Variants in RABEP2 observed in about 807,000 individuals in gnomAD.
The protein encoded by RABEP2 is rabaptin, RAB GTPase binding effector protein 2.
A neutral mutation model predicts 74.1 loss-of-function variants in RABEP2; 57 were observed. The observed-to-expected ratio is 0.77, with a 90% CI of 0.62 to 0.96. The LOEUF (loss-of-function observed/expected upper bound fraction) is 0.96. Ranked by LOEUF, RABEP2 falls within the 40% of genes least tolerant of loss-of-function variation. The pLI, the probability that RABEP2 is intolerant of heterozygous loss-of-function variation, is 0.00. For missense variants in RABEP2, 692 were observed against 756.3 expected (o/e 0.91, Z 1.00); for synonymous variants, 351 against 344.0 (o/e 1.02, Z -0.23).
At chr16:28,914,838 G>T in intron 3 of RABEP2, 56 bp from the exon 4 acceptor site, 2 of 1,507,962 alleles carry the variant, frequency 1.3e-6, no homozygotes, top group South Asian at 1.2e-5. Flanking sequence ...CTGAAGCCCC[G>T]GGTCTGTTCA....
intron 2 of RABEP2, among the ~76,000 whole-genome samples, chr16:28,923,140 G>A (rs1385125524): frequency 2.0e-5 from 3 of 152,154 alleles, no homozygotes; most frequent in African/African-American, 7.2e-5. Context: ...AGGCGCGGTG[G>A]CTCACACCTG....
Position 28,919,961 on chromosome 16 carries a change from G to T in RABEP2, c.275-18C>A. 3.8e-6 allele frequency: 6 copies of T among 1,559,330 alleles called. No homozygotes were observed. The South Asian group carries it at 5.8e-5, about 15-fold the overall frequency. ...GATGGAGTCTGGTGGGGGAGAGGGAGGGTGGGAGAGAGGGAGGGTCAATGA... is the reference window on the plus strand; with the variant it reads ...GATGGAGTCTGGTGGGGGAGAGGGATGGTGGGAGAGAGGGAGGGTCAATGA... On this transcript the variant is annotated intron_variant, in intron 2 of 12. Transcript: ENST00000358201.
At position 28,904,916 on chromosome 16, in the gene RABEP2, G is replaced by A; in HGVS notation, c.*27C>T. The A allele has an allele frequency of 6.4e-7, 1 of 1,551,030 alleles. No individual in the cohort carries two copies. Among genetic ancestry groups the A allele is most frequent in the Non-Finnish European group, 8.9e-7 (1 of 1,126,432 alleles). ...GGAGTGGGGAAAGGCGTCTTTCCCA[G>A]GGTGGGGGTGGGGATATCCTGACCC... On this transcript the variant is annotated 3_prime_UTR_variant, in exon 13 of 13. Coordinates refer to ENST00000358201, the MANE Select transcript of RABEP2 (RefSeq NM_024816.3).
rs1307860065 is a variant in RABEP2, at chr16:28,904,722, G to A, written c.*221C>T. ...GAGCCTGCACCTTTGGTTCCGGGAG[G>A]GGCTTGGGCCCCTCACCCAGGTGTG... is the stretch of plus-strand genomic sequence containing the variant. On this transcript the variant is annotated 3_prime_UTR_variant, in exon 13 of 13. Coordinates refer to ENST00000358201, the MANE Select transcript of RABEP2 (RefSeq NM_024816.3). 1.2e-5 allele frequency: 8 copies of A among 641,472 alleles called. No individual in the cohort carries two copies. The highest frequency in any genetic ancestry group is 2.1e-5 in the Non-Finnish European group (8 of 382,996). The allele number at this position is 641,472 out of a possible 1,614,324, so 39.7% of individuals were successfully genotyped here. A position where few individuals can be genotyped will look rare whatever the true frequency, so the allele number is the denominator to read the frequency against.
At position 28,913,626 on chromosome 16, in the gene RABEP2, C is replaced by G. The variant is rs542782368; in HGVS notation, c.894+610G>C. Among the ~76,000 whole-genome samples the G allele has an allele frequency of 3.0e-3, 459 of 151,916 alleles. 2 individuals are homozygous for G. Among genetic ancestry groups the G allele is most frequent in the African/African-American group, 0.011 (448 of 41,402 alleles). On this transcript the variant is annotated intron_variant, in intron 5 of 12. Coordinates refer to ENST00000358201, the MANE Select transcript of RABEP2 (RefSeq NM_024816.3). Reference sequence around the variant, plus strand: ...CCTCCTGAGTAGCTGGGATTACGGGCATGCGCCACCACGCCCAGCTAATTT... The same window carrying G: ...CCTCCTGAGTAGCTGGGATTACGGGGATGCGCCACCACGCCCAGCTAATTT...
intron 2 of RABEP2, among the ~76,000 whole-genome samples, chr16:28,921,906 A>C (rs1407038614): frequency 6.6e-6 from 1 of 152,012 alleles, no homozygotes; most frequent in Non-Finnish European, 1.5e-5. Flanking sequence ...CGGAGGTTGC[A>C]GTGAACCGAG....
At chr16:28,911,320 C>T (rs1042499395) in intron 5 of RABEP2, 141 bp from the exon 6 acceptor site, 2 of 758,498 alleles carry the variant, frequency 2.6e-6, no homozygotes, top group Non-Finnish European at 2.2e-6. Context: ...ATTCTCTTCC[C>T]TTCACTCCCC....
intron 3 of RABEP2, among the ~76,000 whole-genome samples, chr16:28,917,185 C>T (rs1003394124): frequency 6.6e-6 from 1 of 152,046 alleles, no homozygotes; most frequent in Non-Finnish European, 1.5e-5. Context: ...TACCTATCTC[C>T]GCTTATATGT....
Position 28,920,024 on chromosome 16 carries a change from G to T in RABEP2, c.275-81C>A. The T allele has an allele frequency of 1.4e-6, 2 of 1,400,632 alleles. 1 individual carries two copies. Among genetic ancestry groups the T allele is most frequent in the South Asian group, 2.9e-5 (2 of 68,446 alleles). The allele number at this position is 1,400,632 out of a possible 1,614,324, so 86.8% of individuals were successfully genotyped here. A position where few individuals can be genotyped will look rare whatever the true frequency, so the allele number is the denominator to read the frequency against. Reference sequence around the variant, plus strand: ...TGTGGGCGAGCAGGGGACTCTTGATGCACTGACTCTTTCTGTGAGACAATC... The same window carrying T: ...TGTGGGCGAGCAGGGGACTCTTGATTCACTGACTCTTTCTGTGAGACAATC... On this transcript the variant is annotated intron_variant, in intron 2 of 12. Transcript: ENST00000358201.
intron 7 of RABEP2, chr16:28,910,531 T>A: frequency 5.8e-6 from 1 of 173,662 alleles, no homozygotes; most frequent in Non-Finnish European, 1.2e-5. Context: ...CGCCTAGGCC[T>A]CCCAAAGTGC....
At position 28,904,495 on chromosome 16, in the gene RABEP2, T is replaced by C; in HGVS notation, c.*448A>G. The C allele has an allele frequency of 6.7e-7, 1 of 1,491,464 alleles. No homozygotes were observed. The highest frequency in any genetic ancestry group is 2.7e-5 in the East Asian group (1 of 36,976). 92.4% of individuals were successfully genotyped at this position (1,491,464 alleles called of 1,614,324 possible). ...TTGCCTCTGTGCAAGCTTGGAGGCC[T>C]GGGTCGCCGCTGTGGACAAGCGTCT... On this transcript the variant is annotated 3_prime_UTR_variant, in exon 13 of 13. Transcript: ENST00000358201.
intron 10 of RABEP2, 31 bp from the exon 11 acceptor site, chr16:28,905,790 G>A: frequency 3.1e-6 from 5 of 1,613,924 alleles, no homozygotes; most frequent in Non-Finnish European, 3.4e-6. Context: ...GAGACGTCAG[G>A]GCCATGCCCT....
At chr16:28,916,925 G>A (rs1964403863) in intron 3 of RABEP2, among the ~76,000 whole-genome samples, 1 of 150,388 alleles carries the variant, frequency 6.6e-6, no homozygotes, top group Admixed American at 6.7e-5. Flanking sequence ...GGGTGCAGAG[G>A]TTGCAATGAG....
intron 7 of RABEP2, among the ~76,000 whole-genome samples, chr16:28,910,028 CAAAAAAAAAA>C (rs779404464): frequency 1.4e-5 from 1 of 69,168 alleles, no homozygotes; most frequent in Non-Finnish European, 3.1e-5. Flanking sequence ...GACTCCGTCT[CAAAAAAAAAA>C]AAAAAAAAAA....
intron 1 of RABEP2, 197 bp downstream of exon 1, chr16:28,924,906 C>T (rs562144902): frequency 2.5e-6 from 2 of 807,856 alleles, no homozygotes; most frequent in Admixed American, 2.0e-5. Flanking sequence ...CCACTTCGCA[C>T]CTGTCACTGG....
At chr16:28,921,561 C>T (rs548863282) in intron 2 of RABEP2, among the ~76,000 whole-genome samples, 1 of 151,694 alleles carries the variant, frequency 6.6e-6, no homozygotes, top group African/African-American at 2.4e-5. Flanking sequence ...GTGGGTGGCT[C>T]CCAGGGCCTT....
chr16:28,906,093 C>A lies in RABEP2; in HGVS notation c.1349G>T (p.Arg450Leu). Reference sequence around the variant, plus strand: ...CACTGTCTCCTCCTCCAGAGCCTCCCGCAGCGTCACGATCTCGATCCGCAG... The same window carrying A: ...CACTGTCTCCTCCTCCAGAGCCTCCAGCAGCGTCACGATCTCGATCCGCAG... ...ERLRIEIVTL[R>L]EALEEETVAR... The change falls in exon 9 of 13, where the codon CGG (arginine) becomes CTG (leucine). Residue 450 changes from arginine (R) to leucine (L), a missense_variant. Transcript: ENST00000358201. 1 of 1,595,836 alleles carries A rather than the reference C, an allele frequency of 6.3e-7. No individual in the cohort carries two copies. Among genetic ancestry groups the A allele is most frequent in the East Asian group, 2.3e-5 (1 of 43,920 alleles).
chr16:28,920,274 C>T (rs538747841), intron 2 of RABEP2, among the ~76,000 whole-genome samples: 1 of 151,834 alleles, frequency 6.6e-6, no homozygotes, highest in South Asian at 2.1e-4. Flanking sequence ...GTGTCCAGCC[C>T]TTTCTCAGGC....
chr16:28,915,953 C>T (rs1964387444), intron 3 of RABEP2, among the ~76,000 whole-genome samples: 1 of 152,110 alleles, frequency 6.6e-6, no homozygotes, highest in Non-Finnish European at 1.5e-5. Context: ...GATTCTCCTG[C>T]CTCAGCCTCC....
Sources: gnomAD v4.1 joint callset for allele counts (sites outside exome capture counted in the v4.1 genomes callset) on GRCh38, gnomAD v4.1.1 for gene constraint, MANE v1.5 for transcripts, NCBI Gene and HGNC (gene_info 2026-07-23, HGNC 2026-07-21) for gene names.